The following IL1RAPL2 variants were observed in gnomAD, a reference collection of about 807,000 sequenced individuals.
IL1RAPL2 encodes X-linked interleukin-1 receptor accessory protein-like 2.
IL1RAPL2 carries 3 observed loss-of-function variants against 44.1 expected under a neutral mutation model. That is an observed-to-expected ratio of 0.07 (90% CI 0.03 to 0.18). The LOEUF is 0.18. Ranked by LOEUF, IL1RAPL2 falls within the 10% of genes least tolerant of loss-of-function variation. The pLI, the probability that IL1RAPL2 is intolerant of heterozygous loss-of-function variation, is 1.00. For missense variants in IL1RAPL2, 391 were observed against 496.4 expected (o/e 0.79, Z 2.02); for synonymous variants, 181 against 178.8 (o/e 1.01, Z -0.10).
At chrX:104,811,837 G>A (rs780116644) in intron 2 of IL1RAPL2, among the ~76,000 whole-genome samples, 3 of 110,896 alleles carry the variant, frequency 2.7e-5, no homozygotes. Flanking sequence ...AGTTTTGAAT[G>A]AAGAGCAGAC....
At chrX:104,791,992 A>G (rs1178961472) in intron 2 of IL1RAPL2, among the ~76,000 whole-genome samples, 5 of 111,323 alleles carry the variant, frequency 4.5e-5, no homozygotes, top group African/African-American at 1.6e-4. Flanking sequence ...TGTGGATGCT[A>G]AGAAGGTGAG....
chrX:104,780,964 A>G (rs1298803304), intron 2 of IL1RAPL2, among the ~76,000 whole-genome samples: 1 of 111,793 alleles, frequency 8.9e-6, no homozygotes, highest in Non-Finnish European at 1.9e-5. Flanking sequence ...CAGAACTTCT[A>G]TATCATTTGC....
chrX:104,638,281 ATTAATT>A (rs1184185431), intron 1 of IL1RAPL2, among the ~76,000 whole-genome samples: 2 of 110,021 alleles, frequency 1.8e-5, no homozygotes, highest in African/African-American at 6.6e-5. Flanking sequence ...CTAGTGGCTT[ATTAATT>A]TTATCTTTTC....
chrX:105,709,372 G>A (rs886989491), intron 6 of IL1RAPL2, among the ~76,000 whole-genome samples: 1 of 111,939 alleles, frequency 8.9e-6, no homozygotes, highest in African/African-American at 3.2e-5. Context: ...AAAGTTAAAA[G>A]CTACCTGAGG....
At chrX:105,399,513 TC>T (rs1461674791) in intron 5 of IL1RAPL2, among the ~76,000 whole-genome samples, 1 of 110,847 alleles carries the variant, frequency 9.0e-6, no homozygotes, top group East Asian at 2.8e-4. Flanking sequence ...TTTGTCTGTG[TC>T]CCCCATATTG....
intron 6 of IL1RAPL2, among the ~76,000 whole-genome samples, chrX:105,504,918 A>G (rs1169277822): frequency 9.0e-6 from 1 of 111,482 alleles, no homozygotes; most frequent in Non-Finnish European, 1.9e-5. Context: ...GGCAGTTCAG[A>G]TAATAGACAA....
chrX:104,968,593 G>T (rs777834717), intron 2 of IL1RAPL2, among the ~76,000 whole-genome samples: 100 of 111,472 alleles, frequency 9.0e-4, no homozygotes, highest in Non-Finnish European at 1.6e-3. Flanking sequence ...ATGCAATGTT[G>T]TCACAGTGTA....
At chrX:104,731,668 G>A (rs1931922480) in intron 2 of IL1RAPL2, among the ~76,000 whole-genome samples, 2 of 111,539 alleles carry the variant, frequency 1.8e-5, no homozygotes, top group South Asian at 3.8e-4. Flanking sequence ...CTCCCAAAGT[G>A]CTAGGATTAA....
intron 2 of IL1RAPL2, among the ~76,000 whole-genome samples, chrX:104,763,129 C>T (rs1420240968): frequency 8.9e-6 from 1 of 111,845 alleles, no homozygotes; most frequent in Middle Eastern, 4.2e-3. Context: ...GAGATTTCTT[C>T]CACCAGATAC....
chrX:105,580,362 G>GTTT (rs149950677), intron 6 of IL1RAPL2, among the ~76,000 whole-genome samples: 8 of 84,625 alleles, frequency 9.5e-5, no homozygotes, highest in African/African-American at 2.6e-4. Context: ...AACCCCCCGT[G>GTTT]TTTTTTTTTT....
chrX:104,587,104 C>G (rs778973796), intron 1 of IL1RAPL2, among the ~76,000 whole-genome samples: 14 of 111,569 alleles, frequency 1.3e-4, no homozygotes, highest in Non-Finnish European at 1.9e-4. Context: ...ACCAGCTTCA[C>G]AGAGCATCAC....
chrX:104,894,866 T>G (rs1266573828), intron 2 of IL1RAPL2, among the ~76,000 whole-genome samples: 2 of 112,173 alleles, frequency 1.8e-5, no homozygotes, highest in South Asian at 3.7e-4. Context: ...GGCACTCTGA[T>G]TTTTAGTATT....
intron 6 of IL1RAPL2, among the ~76,000 whole-genome samples, chrX:105,507,318 C>T (rs771668537): frequency 1.3e-4 from 14 of 111,951 alleles, no homozygotes; most frequent in African/African-American, 4.5e-4. Context: ...TATGCCATTG[C>T]ACGTCTCTTG....
intron 6 of IL1RAPL2, among the ~76,000 whole-genome samples, chrX:105,538,276 T>G (rs1411316753): frequency 9.1e-6 from 1 of 109,957 alleles, no homozygotes; most frequent in Non-Finnish European, 1.9e-5. Flanking sequence ...GACCTCGTGA[T>G]CTGCCCACCT....
intron 5 of IL1RAPL2, among the ~76,000 whole-genome samples, chrX:105,383,031 C>T (rs2035448077): frequency 9.2e-6 from 1 of 108,154 alleles, no homozygotes; most frequent in Non-Finnish European, 1.9e-5. Context: ...ATGAAGAGTT[C>T]CTGGGTGCAG....
At chrX:105,511,654 C>G (rs757196265) in intron 6 of IL1RAPL2, among the ~76,000 whole-genome samples, 2 of 111,511 alleles carry the variant, frequency 1.8e-5, no homozygotes, top group East Asian at 5.7e-4. Flanking sequence ...GACCCGTGAA[C>G]TTGGCCTCAT....
At chrX:104,799,191 T>C (rs1168461787) in intron 2 of IL1RAPL2, among the ~76,000 whole-genome samples, 2 of 110,901 alleles carry the variant, frequency 1.8e-5, no homozygotes, top group Non-Finnish European at 3.8e-5. Flanking sequence ...CCTGGTTTGA[T>C]GAATAATTAA....
chrX:104,899,038 A>T (rs1215414304), intron 2 of IL1RAPL2, among the ~76,000 whole-genome samples: 1 of 112,283 alleles, frequency 8.9e-6, no homozygotes, highest in Non-Finnish European at 1.9e-5. Context: ...TAGTATTGCT[A>T]TTCCAATTGC....
intron 2 of IL1RAPL2, among the ~76,000 whole-genome samples, chrX:104,834,351 G>T (rs146376261): frequency 9.0e-6 from 1 of 111,187 alleles, no homozygotes; most frequent in African/African-American, 3.3e-5. Context: ...TGTCCACGCC[G>T]CACCCTTTCT....
Sources: allele counts gnomAD v4.1 joint callset (sites outside exome capture counted in the v4.1 genomes callset), GRCh38; gene constraint gnomAD v4.1.1; transcripts MANE v1.5; gene names NCBI Gene and HGNC (gene_info 2026-07-23, HGNC 2026-07-21).